The following FST variants were observed in gnomAD, a reference collection of about 807,000 sequenced individuals.
FST encodes the protein follistatin, also known as activin-binding protein.
Under a neutral mutation model 38.4 loss-of-function variants are expected in FST, and 6 were observed. That is an observed-to-expected ratio of 0.16 (90% CI 0.09 to 0.31). The LOEUF (loss-of-function observed/expected upper bound fraction) is 0.31. Among genes scored for constraint, FST ranks in the 10% least tolerant of loss-of-function variants. FST has a pLI of 1.00. For missense variants in FST, 301 were observed against 432.3 expected, an observed-to-expected ratio of 0.70 and a Z score of 2.69; for synonymous variants, 157 against 169.8, an observed-to-expected ratio of 0.92 and a Z score of 0.59.
In FST at chr5:53,480,828, C is replaced by T; in HGVS notation, c.37C>T (p.Leu13Phe). ...RARHQPGGLC[L>F]LLLLLCQFME... ...GAGGCACCAGCCGGGTGGGCTTTGC[C>T]TCCTGCTGCTGCTGCTCTGCCAGTT... is the stretch of plus-strand genomic sequence containing the variant. The change falls in exon 1 of 6, where the codon CTC becomes TTC. Residue 13 changes from leucine to phenylalanine, a missense_variant. Physicochemically the swap from Leu to Phe is conservative, Grantham distance 22. Transcript: ENST00000256759. 2.6e-6 allele frequency: 4 copies of T among 1,532,954 alleles called. No homozygotes were observed. The highest frequency in any genetic ancestry group is 2.6e-5 in the East Asian group (1 of 39,150). 95.0% of individuals were successfully genotyped at this position (1,532,954 alleles called of 1,614,324 possible). A position where few individuals can be genotyped will look rare whatever the true frequency, so the allele number is the denominator to read the frequency against.
In FST at chr5:53,486,138, T is replaced by C; in HGVS notation, c.*105T>C. On this transcript the variant is annotated 3_prime_UTR_variant, in exon 6 of 6. Coordinates refer to ENST00000256759, the MANE Select transcript of FST (RefSeq NM_013409.3). The stretch of plus-strand genomic sequence containing the variant: ...ATATATTGTCCATACTGTAAATAAG[T>C]GTATGCTTATTTATTTGGGGGGAAA... 2 of 594,224 alleles carry C rather than the reference T, an allele frequency of 3.4e-6. No individual in the cohort carries two copies. The highest frequency in any genetic ancestry group is 5.7e-6 in the Non-Finnish European group (2 of 349,130). 36.8% of individuals were successfully genotyped at this position (594,224 alleles called of 1,614,324 possible). A position where few individuals can be genotyped will look rare whatever the true frequency, so the allele number is the denominator to read the frequency against.
In FST at chr5:53,483,398, G is replaced by A; in HGVS notation, c.278-106G>A. Reference sequence around the variant, plus strand: ...CAGGAGAGAGCCTGGGGCCCCTCCAGCGCAAACTCAGGGCTGCATGATTGC... The same window carrying A: ...CAGGAGAGAGCCTGGGGCCCCTCCAACGCAAACTCAGGGCTGCATGATTGC... On this transcript the variant is annotated intron_variant, in intron 2 of 5. Coordinates refer to ENST00000256759, the MANE Select transcript of FST (RefSeq NM_013409.3). This position sits in a 1 kb window ranked among gnomAD's most constrained non-coding sequence, Gnocchi z 4.1. 1 of 844,350 alleles carries A rather than the reference G, an allele frequency of 1.2e-6. No individual in the cohort carries two copies. Among genetic ancestry groups the A allele is most frequent in the Non-Finnish European group, 1.9e-6 (1 of 522,240 alleles). 52.3% of individuals were successfully genotyped at this position (844,350 alleles called of 1,614,324 possible). A position where few individuals can be genotyped will look rare whatever the true frequency, so the allele number is the denominator to read the frequency against.
In FST at chr5:53,485,974, G is replaced by A; in HGVS notation, c.976G>A (p.Glu326Lys). 6.2e-7 allele frequency: 1 copy of A among 1,600,174 alleles called. No homozygotes were observed. Among genetic ancestry groups the A allele is most frequent in the South Asian group, 1.1e-5 (1 of 89,644 alleles). Residue 326 changes from glutamate (E) to lysine (K), a missense_variant, in exon 6 of 6, where the codon GAG becomes AAG. Glu to Lys is a moderately conservative substitution (Grantham distance 56). Transcript: ENST00000256759. ...CNSISEDTEE[E>K]EEDEDQDYSF... ...AGCCATTTCGGAAGACACCGAGGAA[G>A]AGGAGGAAGATGAAGACCAGGACTA... is the stretch of plus-strand genomic sequence containing the variant.
At position 53,484,187 on chromosome 5, in the gene FST, T is replaced by C. The variant is rs768408731; in HGVS notation, c.615T>C (p.Tyr205=). 2.5e-6 allele frequency: 4 copies of C among 1,613,240 alleles called. No homozygotes were observed. In the African/African-American group the frequency reaches 5.3e-5, roughly 22 times the overall value. ...CAGAGCCTGCTTCCTCTGAGCAATATCTCTGTGGGAATGATGGAGTCACCT... is the reference window on the plus strand; with the variant it reads ...CAGAGCCTGCTTCCTCTGAGCAATACCTCTGTGGGAATGATGGAGTCACCT... ...ICPEPASSEQ[Y]LCGNDGVTYS... The change falls in exon 4 of 6, where the codon TAT becomes TAC. Residue 205 remains tyrosine (Y), a synonymous_variant. Coordinates refer to ENST00000256759, the MANE Select transcript of FST (RefSeq NM_013409.3).
In FST at chr5:53,486,096, A is replaced by G. The variant is rs1343630358; in HGVS notation, c.*63A>G. ...GCAAAAAAAAAAAAAAAAAAAAAGA[A>G]AAAGAAAAAAAGAAAAATATATTGT... On this transcript the variant is annotated 3_prime_UTR_variant, in exon 6 of 6. Coordinates refer to ENST00000256759, the MANE Select transcript of FST (RefSeq NM_013409.3). The G allele has an allele frequency of 7.4e-6, 6 of 812,954 alleles. No homozygotes were observed. The highest frequency in any genetic ancestry group is 1.8e-5 in the African/African-American group (1 of 54,592). The allele number at this position is 812,954 out of a possible 1,614,324, so 50.4% of individuals were successfully genotyped here.
intron 1 of FST, among the ~76,000 whole-genome samples, chr5:53,481,272 A>G (rs1034906022): frequency 7.1e-6 from 1 of 140,670 alleles, no homozygotes; most frequent in Admixed American, 7.2e-5. Context: ...TTGGATACTT[A>G]AAAAAAAAAA....
At position 53,485,951 on chromosome 5, in the gene FST, C is replaced by T. The variant is rs1337286615; in HGVS notation, c.953C>T (p.Ser318Phe). 17 of 1,606,076 alleles carry T rather than the reference C, an allele frequency of 1.1e-5. No individual in the cohort carries two copies. Among genetic ancestry groups the T allele is most frequent in the Non-Finnish European group, 1.2e-5 (14 of 1,177,850 alleles). The change falls in exon 6 of 6, where the codon TCC becomes TTC. Residue 318 changes from serine (S) to phenylalanine (F), a missense_variant and splice_region_variant. Transcript: ENST00000256759. ...AGCTCCCCTGTATTCCCCCATCTAG[C>T]CATTTCGGAAGACACCGAGGAAGAG... ...LEVKHSGSCN[S>F]ISEDTEEEEE...
At position 53,482,971 on chromosome 5, in the gene FST, C is replaced by T. The variant is rs1354967805; in HGVS notation, c.177C>T (p.Gly59=). 7.4e-6 allele frequency: 12 copies of T among 1,612,688 alleles called. No homozygotes were observed. Among genetic ancestry groups the T allele is most frequent in the Non-Finnish European group, 9.3e-6 (11 of 1,178,788 alleles). ...ELSKEECCST[G]RLSTSWTEED... ...GCAAGGAGGAGTGCTGCAGCACCGG[C>T]CGGCTGAGCACCTCGTGGACCGAGG... is the stretch of plus-strand genomic sequence containing the variant. The change falls in exon 2 of 6, where the codon GGC becomes GGT. Residue 59 remains glycine (G), a synonymous_variant. Coordinates refer to ENST00000256759, the MANE Select transcript of FST (RefSeq NM_013409.3).
At chr5:53,485,862 T>A in intron 5 of FST, 89 bp from the exon 6 acceptor site, 1 of 1,596,618 alleles carries the variant, frequency 6.3e-7, no homozygotes, top group Non-Finnish European at 8.5e-7. Context: ...TATGGCTGTA[T>A]CAGAGGGCTT....
At position 53,485,084 on chromosome 5, in the gene FST, G is replaced by A; in HGVS notation, c.809G>A (p.Cys270Tyr). The A allele has an allele frequency of 6.2e-7, 1 of 1,612,084 alleles. No individual in the cohort carries two copies. Among genetic ancestry groups the A allele is most frequent in the Non-Finnish European group, 8.5e-7 (1 of 1,178,126 alleles). ...GTTGGGAGAGGCCGGTGTTCCCTCT[G>A]TGATGAGCTGTGCCCTGACAGTAAG... is the stretch of plus-strand genomic sequence containing the variant. ...FKVGRGRCSL[C>Y]DELCPDSKSD... The change falls in exon 5 of 6, where the codon TGT (cysteine) becomes TAT (tyrosine). Residue 270 changes from cysteine (C) to tyrosine (Y), a missense_variant. Coordinates refer to ENST00000256759, the MANE Select transcript of FST (RefSeq NM_013409.3).
intron 1 of FST, among the ~76,000 whole-genome samples, chr5:53,481,488 C>CAAAAAAAAAAAA (rs1747211810): frequency 1.7e-4 from 8 of 48,198 alleles, no homozygotes; most frequent in African/African-American, 3.3e-4. Flanking sequence ...AAAAAAAAAG[C>CAAAAAAAAAAAA]CAAATTATTA....
chr5:53,483,387 G>T lies in FST; in HGVS notation c.278-117G>T. 1.3e-6 allele frequency: 1 copy of T among 764,478 alleles called. No homozygotes were observed. Among genetic ancestry groups the T allele is most frequent in the African/African-American group, 1.7e-5 (1 of 57,412 alleles). The allele number at this position is 764,478 out of a possible 1,614,324, so 47.4% of individuals were successfully genotyped here. A position where few individuals can be genotyped will look rare whatever the true frequency, so the allele number is the denominator to read the frequency against. ...TCCCAATATTCCAGGAGAGAGCCTG[G>T]GGCCCCTCCAGCGCAAACTCAGGGC... On this transcript the variant is annotated intron_variant, in intron 2 of 5. Coordinates refer to ENST00000256759, the MANE Select transcript of FST (RefSeq NM_013409.3). This position sits in a 1 kb window ranked among gnomAD's most constrained non-coding sequence, Gnocchi z 4.1.
rs1380855600 is a variant in FST at position 53,483,836 on chromosome 5, A to T, written c.496+114A>T. 2 of 758,494 alleles carry T rather than the reference A, an allele frequency of 2.6e-6. No homozygotes were observed. Among genetic ancestry groups the T allele is most frequent in the Non-Finnish European group, 4.4e-6 (2 of 458,228 alleles). 47.0% of individuals were successfully genotyped at this position (758,494 alleles called of 1,614,324 possible). ...TGGTGTAGTCCGCAGTAAGAGCCTG[A>T]TAATAGTAATACTGAAACCAAATAA... On this transcript the variant is annotated intron_variant, in intron 3 of 5. Coordinates refer to ENST00000256759, the MANE Select transcript of FST (RefSeq NM_013409.3). The surrounding 1 kb of genome is among the most constrained non-coding windows in gnomAD (Gnocchi z 4.1).
At chr5:53,484,582 T>G (rs1164606864) in intron 4 of FST, among the ~76,000 whole-genome samples, 1 of 152,254 alleles carries the variant, frequency 6.6e-6, no homozygotes. Flanking sequence ...CCAGACTTGC[T>G]GGAAGCGAAA....
rs1747397472 is a variant in FST at position 53,483,999 on chromosome 5, G to GT, written c.497-69dup. 2.3e-6 allele frequency: 3 copies of GT among 1,309,642 alleles called. No homozygotes were observed. The Admixed American group carries it at 5.4e-5, about 23-fold the overall frequency. 81.1% of individuals were successfully genotyped at this position (1,309,642 alleles called of 1,614,324 possible). On this transcript the variant is annotated intron_variant, in intron 3 of 5. Transcript: ENST00000256759. The surrounding 1 kb of genome is among the most constrained non-coding windows in gnomAD (Gnocchi z 4.1). Reference sequence around the variant, plus strand: ...ATGCTTCAGTGTCATGATTTCCTTGGTAACTTCAAGTGCTCACTCCCTAAG... The same window carrying GT: ...ATGCTTCAGTGTCATGATTTCCTTGGTTAACTTCAAGTGCTCACTCCCTAAG...
Position 53,483,932 on chromosome 5 carries a change from C to T in FST, c.497-137C>T. ...GGACCAACCTAGTCATAGATTCTCT[C>T]TTGAAAACTACAGGGCTCCCTAAGT... On this transcript the variant is annotated intron_variant, in intron 3 of 5. Transcript: ENST00000256759. This position sits in a 1 kb window ranked among gnomAD's most constrained non-coding sequence, Gnocchi z 4.1. 1 of 749,870 alleles carries T rather than the reference C, an allele frequency of 1.3e-6. No individual in the cohort carries two copies. The highest frequency in any genetic ancestry group is 2.2e-6 in the Non-Finnish European group (1 of 454,694). The allele number at this position is 749,870 out of a possible 1,614,324, so 46.5% of individuals were successfully genotyped here. A position where few individuals can be genotyped will look rare whatever the true frequency, so the allele number is the denominator to read the frequency against.
intron 4 of FST, 32 bp downstream of exon 4, chr5:53,484,325 G>A: frequency 6.2e-7 from 1 of 1,602,682 alleles, no homozygotes; most frequent in Non-Finnish European, 8.5e-7. Context: ...AGGAAAAAGA[G>A]AAAACAGGCT....
intron 4 of FST, 104 bp from the exon 5 acceptor site, chr5:53,484,893 A>G: frequency 1.6e-6 from 1 of 632,298 alleles, no homozygotes. Context: ...TTATGTTTAT[A>G]TAAAATAAAT....
chr5:53,484,555 A>C (rs1747434036), intron 4 of FST, among the ~76,000 whole-genome samples: 1 of 152,248 alleles, frequency 6.6e-6, no homozygotes. Context: ...ACTCAATTTT[A>C]CACATTTTTT....
Sources: allele counts gnomAD v4.1 joint callset (sites outside exome capture counted in the v4.1 genomes callset), GRCh38; gene constraint gnomAD v4.1.1; non-coding constraint Gnocchi (gnomAD v3.1); transcripts MANE v1.5; gene names NCBI Gene and HGNC (gene_info 2026-07-23, HGNC 2026-07-21).